The following EXOC4 variants were observed in gnomAD, a reference collection of about 807,000 sequenced individuals.
EXOC4 encodes SEC8-like 1.
Under a neutral mutation model 107.2 loss-of-function variants are expected in EXOC4, and 71 were observed. The observed-to-expected ratio is 0.66, with a 90% CI of 0.55 to 0.81. EXOC4 has a LOEUF of 0.81. Among genes scored for constraint, EXOC4 ranks in the 30% least tolerant of loss-of-function variants. The probability of loss-of-function intolerance (pLI) is 0.00; values close to 1 mark genes in which losing one functional copy is unlikely to be tolerated. For synonymous variants in EXOC4, 456 were observed against 441.2 expected (o/e 1.03, Z -0.42); for missense variants, 1,108 against 1,189.6 (o/e 0.93, Z 1.01).
chr7:133,383,249 G>A (rs770862662), intron 7 of EXOC4, among the ~76,000 whole-genome samples: 3 of 152,040 alleles, frequency 2.0e-5, no homozygotes, highest in Non-Finnish European at 4.4e-5. Flanking sequence ...TCCTCCAGAC[G>A]TTATGATTCT....
chr7:134,052,099 A>G (rs1393569385), intron 17 of EXOC4, among the ~76,000 whole-genome samples: 1 of 152,250 alleles, frequency 6.6e-6, no homozygotes, highest in Non-Finnish European at 1.5e-5. Context: ...TGAAGACGTC[A>G]TTGACGACCC....
At chr7:133,658,471 G>A (rs142699029) in intron 10 of EXOC4, among the ~76,000 whole-genome samples, 3 of 152,264 alleles carry the variant, frequency 2.0e-5, no homozygotes, top group African/African-American at 7.2e-5. Flanking sequence ...TCCTCTGTAT[G>A]GCCAGGCTGC....
intron 9 of EXOC4, among the ~76,000 whole-genome samples, chr7:133,583,197 C>T (rs1801319878): frequency 6.6e-6 from 1 of 152,084 alleles, no homozygotes; most frequent in African/African-American, 2.4e-5. Context: ...TCTTTGAGAT[C>T]TTGCCTACTT....
chr7:133,935,619 A>G (rs1800282060), intron 13 of EXOC4, among the ~76,000 whole-genome samples: 3 of 152,178 alleles, frequency 2.0e-5, no homozygotes, highest in Non-Finnish European at 2.9e-5. Context: ...TCATCATCCC[A>G]CTAAATAAAC....
At chr7:133,434,524 T>G (rs541778371) in intron 7 of EXOC4, among the ~76,000 whole-genome samples, 2 of 152,268 alleles carry the variant, frequency 1.3e-5, no homozygotes, top group African/African-American at 4.8e-5. Flanking sequence ...TCCAAGTCAT[T>G]TTGCAAACTG....
Position 133,617,414 on chromosome 7 carries a change from G to A in EXOC4, c.1418-12631G>A, listed in dbSNP as rs534134990. Among the ~76,000 whole-genome samples the A allele has an allele frequency of 1.8e-3, 272 of 152,234 alleles. 1 individual carries two copies. The highest frequency in any genetic ancestry group is 3.0e-3 in the Non-Finnish European group (201 of 68,000). On this transcript the variant is annotated intron_variant, in intron 9 of 17. Transcript: ENST00000253861. ...ATCATTTCATGAAAAAACTAAAAAT[G>A]CCAGATAAAACATTAAAAAATGTGT...
At chr7:134,038,244 A>G (rs1441499154) in intron 17 of EXOC4, among the ~76,000 whole-genome samples, 3 of 152,240 alleles carry the variant, frequency 2.0e-5, no homozygotes, top group Admixed American at 2.0e-4. Context: ...CTGAACTTTC[A>G]CACGGCAAAT....
intron 9 of EXOC4, among the ~76,000 whole-genome samples, chr7:133,595,654 T>C (rs1442407655): frequency 6.6e-6 from 1 of 152,238 alleles, no homozygotes; most frequent in Non-Finnish European, 1.5e-5. Flanking sequence ...TTTACTGATA[T>C]GGAAAATAGT....
chr7:133,805,021 CTG>C (rs1797040660), intron 10 of EXOC4, among the ~76,000 whole-genome samples: 1 of 152,156 alleles, frequency 6.6e-6, no homozygotes, highest in African/African-American at 2.4e-5. Context: ...CATTTATTAA[CTG>C]TGTCCACTGT....
intron 10 of EXOC4, among the ~76,000 whole-genome samples, chr7:133,764,650 T>C (rs1796099540): frequency 6.6e-6 from 1 of 152,094 alleles, no homozygotes. Context: ...CAGTTGCCAT[T>C]TAATTTTCTT....
At chr7:134,061,315 G>T (rs1021674721) in intron 17 of EXOC4, among the ~76,000 whole-genome samples, 1 of 152,180 alleles carries the variant, frequency 6.6e-6, no homozygotes, top group Non-Finnish European at 1.5e-5. Context: ...TTTAATCTCA[G>T]TGAAAAGCAT....
intron 10 of EXOC4, among the ~76,000 whole-genome samples, chr7:133,684,504 G>A (rs1794253012): frequency 6.6e-6 from 1 of 152,030 alleles, no homozygotes; most frequent in South Asian, 2.1e-4. Flanking sequence ...TGGGTTCTAT[G>A]TCTAAGAAAA....
At position 133,997,547 on chromosome 7, in the gene EXOC4, G is replaced by A. The variant is rs1260691069; in HGVS notation, c.2262G>A (p.Glu754=). Residue 754 remains glutamate, a synonymous_variant, in exon 15 of 18, where the codon GAG becomes GAA. Coordinates refer to ENST00000253861, the MANE Select transcript of EXOC4 (RefSeq NM_021807.4). The part of the protein sequence containing the change: ...HTNTDLPPVS[E]QIMQTLSELA... Reference sequence around the variant, plus strand: ...ACACGGATCTCCCCCCAGTGTCAGAGCAGATCATGCAGACTCTCAGTGAAC... The same window carrying A: ...ACACGGATCTCCCCCCAGTGTCAGAACAGATCATGCAGACTCTCAGTGAAC... 6.2e-7 allele frequency: 1 copy of A among 1,613,648 alleles called. No individual in the cohort carries two copies. Among genetic ancestry groups the A allele is most frequent in the Non-Finnish European group, 8.5e-7 (1 of 1,179,818 alleles).
At chr7:133,847,926 C>T (rs1375733923) in intron 11 of EXOC4, among the ~76,000 whole-genome samples, 10 of 112,698 alleles carry the variant, frequency 8.9e-5, no homozygotes, top group African/African-American at 3.6e-4. Flanking sequence ...GACACAGTTT[C>T]ACCATGTTGG....
At chr7:133,385,046 G>A (rs936218785) in intron 7 of EXOC4, among the ~76,000 whole-genome samples, 3 of 152,082 alleles carry the variant, frequency 2.0e-5, no homozygotes, top group Non-Finnish European at 4.4e-5. Context: ...GCTTCTCCAC[G>A]TGGCTTCTGT....
At chr7:133,710,415 CTT>C (rs1396978616) in intron 10 of EXOC4, among the ~76,000 whole-genome samples, 10 of 152,024 alleles carry the variant, frequency 6.6e-5, no homozygotes, top group African/African-American at 2.2e-4. Flanking sequence ...AATCCCAACA[CTT>C]TGGGAGGCCG....
chr7:134,019,705 G>A (rs1405947502), intron 17 of EXOC4, among the ~76,000 whole-genome samples: 2 of 152,250 alleles, frequency 1.3e-5, no homozygotes, highest in East Asian at 1.9e-4. Flanking sequence ...TCTTAACTAC[G>A]TGAAGTAAGG....
Position 133,942,258 on chromosome 7 carries a change from A to T in EXOC4, c.2206+4189A>T, listed in dbSNP as rs577170985. On this transcript the variant is annotated intron_variant, in intron 14 of 17. Transcript: ENST00000253861. ...TTGATTATATATTCTACTCCATACC[A>T]TCTAGGAAGTCTTTTTTTTTTTTAA... Among the ~76,000 whole-genome samples, 13 of 149,380 alleles carry T rather than the reference A, an allele frequency of 8.7e-5. No homozygotes were observed. In the South Asian group the frequency reaches 2.5e-3, roughly 29 times the overall value.
intron 12 of EXOC4, among the ~76,000 whole-genome samples, chr7:133,905,760 G>A (rs1305856203): frequency 2.0e-5 from 3 of 152,046 alleles, no homozygotes; most frequent in Non-Finnish European, 2.9e-5. Flanking sequence ...TAAGACATAA[G>A]CATGTTACCT....
Sources: allele counts gnomAD v4.1 joint callset (sites outside exome capture counted in the v4.1 genomes callset), GRCh38; gene constraint gnomAD v4.1.1; transcripts MANE v1.5; gene names NCBI Gene and HGNC (gene_info 2026-07-23, HGNC 2026-07-21).